The following GALNT17 variants were observed in gnomAD, a reference collection of about 807,000 sequenced individuals.
The protein encoded by GALNT17 is polypeptide N-acetylgalactosaminyltransferase 17.
In GALNT17, 29 loss-of-function variants were observed where a neutral mutation model predicts 63.7. That is an observed-to-expected ratio of 0.46 (90% CI 0.34 to 0.62). GALNT17 has a LOEUF of 0.62. Ranked by LOEUF, GALNT17 falls within the 20% of genes least tolerant of loss-of-function variation. GALNT17 has a pLI of 0.01. For synonymous variants in GALNT17, 305 were observed against 318.3 expected (o/e 0.96, Z 0.45); for missense variants, 603 against 799.6 (o/e 0.75, Z 2.97).
At chr7:71,711,893 TTCTC>T (rs750416481) in intron 10 of GALNT17, 121 bp from the exon 11 acceptor site, 802 of 1,080,730 alleles carry the variant, frequency 7.4e-4, no homozygotes, top group Non-Finnish European at 9.4e-4. Context: ...TCTCTTTCTC[TTCTC>T]TTTTTCTTTT....
intron 3 of GALNT17, among the ~76,000 whole-genome samples, chr7:71,415,059 G>A (rs765981288): frequency 2.0e-5 from 3 of 152,034 alleles, no homozygotes; most frequent in South Asian, 2.1e-4. Flanking sequence ...GCCCAGAATG[G>A]AGTGCAGTAG....
At chr7:71,266,856 G>A (rs2115668096) in intron 1 of GALNT17, among the ~76,000 whole-genome samples, 1 of 152,232 alleles carries the variant, frequency 6.6e-6, no homozygotes. Flanking sequence ...GGAGATGGTG[G>A]CTTGAACTAA....
At chr7:71,690,232 G>A (rs1253980344) in intron 9 of GALNT17, among the ~76,000 whole-genome samples, 1 of 151,854 alleles carries the variant, frequency 6.6e-6, no homozygotes, top group East Asian at 1.9e-4. Flanking sequence ...CACCATGTTG[G>A]CCAGGATGGT....
intron 5 of GALNT17, among the ~76,000 whole-genome samples, chr7:71,459,312 G>T (rs1471148045): frequency 6.6e-6 from 1 of 152,136 alleles, no homozygotes. Context: ...ATTACAGCTG[G>T]GCATTTGCCT....
At chr7:71,142,915 T>G (rs1489140956) in intron 1 of GALNT17, among the ~76,000 whole-genome samples, 8 of 142,080 alleles carry the variant, frequency 5.6e-5, no homozygotes, top group Non-Finnish European at 1.1e-4. Flanking sequence ...CATTGTAGCC[T>G]GGGCGACAGG....
intron 5 of GALNT17, among the ~76,000 whole-genome samples, chr7:71,565,596 T>C (rs1789329999): frequency 7.0e-6 from 1 of 143,394 alleles, no homozygotes; most frequent in South Asian, 2.3e-4. Flanking sequence ...CCTCCCCAGA[T>C]CTGTTCTGCA....
intron 5 of GALNT17, among the ~76,000 whole-genome samples, chr7:71,470,604 C>A (rs1787612086): frequency 6.6e-6 from 1 of 152,052 alleles, no homozygotes; most frequent in African/African-American, 2.4e-5. Flanking sequence ...ATAAAAACTG[C>A]AACCTAGGCA....
rs143169292 is a variant in GALNT17, at chr7:71,623,335, A to G, written c.1081-42076A>G. On this transcript the variant is annotated intron_variant, in intron 6 of 10. Transcript: ENST00000333538. ...ATAAATACATGCAAATGACTAAAAC[A>G]GTGCCTGGCTTGGAGGAAGCCTTCG... Among the ~76,000 whole-genome samples the G allele has an allele frequency of 9.9e-3, 1,485 of 150,050 alleles. 9 individuals are homozygous for G. Among genetic ancestry groups the G allele is most frequent in the Middle Eastern group, 0.032 (9 of 280 alleles).
chr7:71,271,048 T>G (rs1790579537), intron 1 of GALNT17, among the ~76,000 whole-genome samples: 1 of 152,176 alleles, frequency 6.6e-6, no homozygotes, highest in African/African-American at 2.4e-5. Flanking sequence ...ATATAATTGT[T>G]TCATACGGGA....
chr7:71,235,223 C>T (rs1335263190), intron 1 of GALNT17, among the ~76,000 whole-genome samples: 1 of 151,412 alleles, frequency 6.6e-6, no homozygotes, highest in Non-Finnish European at 1.5e-5. Context: ...TGCACTCCAG[C>T]CTGGGTGACA....
intron 1 of GALNT17, among the ~76,000 whole-genome samples, chr7:71,329,949 A>ATG (rs937863644): frequency 1.4e-5 from 2 of 138,328 alleles, no homozygotes; most frequent in East Asian, 2.0e-4. Flanking sequence ...ATACACACAT[A>ATG]TGTGTGTGTG....
At chr7:71,447,388 C>A (rs1301377048) in intron 5 of GALNT17, among the ~76,000 whole-genome samples, 1 of 152,124 alleles carries the variant, frequency 6.6e-6, no homozygotes, top group African/African-American at 2.4e-5. Context: ...GCCCCAAAAT[C>A]CAACTTTTTG....
intron 1 of GALNT17, among the ~76,000 whole-genome samples, chr7:71,140,246 G>A (rs1313090841): frequency 6.6e-6 from 1 of 152,206 alleles, no homozygotes; most frequent in Non-Finnish European, 1.5e-5. Flanking sequence ...TTCATTTGCT[G>A]CACGCAGACA....
At chr7:71,330,345 A>G (rs1240693379) in intron 1 of GALNT17, among the ~76,000 whole-genome samples, 1 of 151,698 alleles carries the variant, frequency 6.6e-6, no homozygotes, top group East Asian at 2.0e-4. Context: ...CAAACAGGAA[A>G]CTTGAACACT....
chr7:71,709,179 A>T (rs1261779895), intron 9 of GALNT17, among the ~76,000 whole-genome samples: 1 of 152,226 alleles, frequency 6.6e-6, no homozygotes, highest in Non-Finnish European at 1.5e-5. Flanking sequence ...TCCCACCAAC[A>T]GTGTATAAGC....
chr7:71,299,447 G>A (rs1313278821), intron 1 of GALNT17, among the ~76,000 whole-genome samples: 4 of 152,168 alleles, frequency 2.6e-5, no homozygotes, highest in African/African-American at 4.8e-5. Flanking sequence ...TACAGATAAG[G>A]AAACCGAGGC....
chr7:71,560,770 C>T (rs1340132034), intron 5 of GALNT17, among the ~76,000 whole-genome samples: 3 of 152,146 alleles, frequency 2.0e-5, no homozygotes, highest in Non-Finnish European at 2.9e-5. Context: ...AAGAAACAGG[C>T]TTCAGGGCAG....
At chr7:71,153,107 C>T (rs1020851483) in intron 1 of GALNT17, among the ~76,000 whole-genome samples, 11 of 151,988 alleles carry the variant, frequency 7.2e-5, no homozygotes, top group African/African-American at 2.7e-4. Flanking sequence ...AGACAATGGA[C>T]GAAGCAAGGG....
At chr7:71,630,825 G>A (rs1335952937) in intron 6 of GALNT17, among the ~76,000 whole-genome samples, 2 of 152,210 alleles carry the variant, frequency 1.3e-5, no homozygotes, top group Non-Finnish European at 2.9e-5. Flanking sequence ...GAGGACCCAA[G>A]GGAGAAGTGC....
Sources: allele counts gnomAD v4.1 joint callset (sites outside exome capture counted in the v4.1 genomes callset), GRCh38; gene constraint gnomAD v4.1.1; transcripts MANE v1.5; gene names NCBI Gene and HGNC (gene_info 2026-07-23, HGNC 2026-07-21).